Variants in METTL14 observed in about 807,000 individuals in gnomAD.
METTL14 encodes N(6)-adenosine-methyltransferase non-catalytic subunit METTL14.
In METTL14, 32 loss-of-function variants were observed where a neutral mutation model predicts 62.4. That is an observed-to-expected ratio of 0.51 (90% CI 0.39 to 0.69). The LOEUF is 0.69. Ranked by LOEUF, METTL14 falls within the 30% of genes least tolerant of loss-of-function variation. The pLI is 0.00. For missense variants in METTL14, 340 were observed against 551.9 expected, an observed-to-expected ratio of 0.62 and a Z score of 3.85; for synonymous variants, 150 against 180.0, an observed-to-expected ratio of 0.83 and a Z score of 1.34.
rs764385026 is a variant in METTL14, at chr4:118,687,956, G to A, written c.100G>A (p.Val34Met). 2.1e-5 allele frequency: 34 copies of A among 1,613,614 alleles called. No homozygotes were observed. Among genetic ancestry groups the A allele is most frequent in the East Asian group, 1.1e-4 (5 of 44,876 alleles). Residue 34 changes from valine to methionine, a missense_variant, in exon 2 of 11, where the codon GTG (valine) becomes ATG (methionine). Coordinates refer to ENST00000388822, the MANE Select transcript of METTL14 (RefSeq NM_020961.4). The part of the protein sequence containing the change: ...GAESADSIGA[V>M]LNSKDEQREI... ...TGAAAGTGCCGACAGCATTGGTGCC[G>A]TGTTAAATAGCAAAGATGAGCAGAG... is the stretch of plus-strand genomic sequence containing the variant.
chr4:118,706,683 A>G (rs1724764472), intron 10 of METTL14, among the ~76,000 whole-genome samples: 1 of 152,190 alleles, frequency 6.6e-6, no homozygotes, highest in African/African-American at 2.4e-5. Context: ...TGCCTGTACC[A>G]TTTTACATTT....
intron 10 of METTL14, among the ~76,000 whole-genome samples, chr4:118,706,162 G>A (rs1724751211): frequency 6.6e-6 from 1 of 152,182 alleles, no homozygotes; most frequent in South Asian, 2.1e-4. Flanking sequence ...AATTCTGTGA[G>A]TTTGGACAAA....
chr4:118,708,168 A>G (rs190612096), intron 10 of METTL14, among the ~76,000 whole-genome samples: 289 of 152,292 alleles, frequency 1.9e-3, no homozygotes, highest in African/African-American at 6.8e-3. Flanking sequence ...ATACCTTTAG[A>G]ATTTCTGATA....
intron 8 of METTL14, among the ~76,000 whole-genome samples, chr4:118,703,486 T>C (rs6813357): frequency 6.6e-6 from 1 of 152,078 alleles, no homozygotes; most frequent in East Asian, 1.9e-4. Context: ...TAAGATTTTA[T>C]AAGACTCTCA....
intron 10 of METTL14, among the ~76,000 whole-genome samples, chr4:118,706,107 A>G (rs188985891): frequency 6.6e-6 from 1 of 152,106 alleles, no homozygotes; most frequent in African/African-American, 2.4e-5. Flanking sequence ...CATCATAATC[A>G]CTCAAAGTCC....
chr4:118,685,733 T>G (rs767851264), intron 1 of METTL14, 133 bp downstream of exon 1: 4 of 757,920 alleles, frequency 5.3e-6, no homozygotes, highest in Non-Finnish European at 9.1e-6. Context: ...CCTGCGATCT[T>G]GATCCCTGGT....
chr4:118,708,595 A>G (rs994974002), intron 10 of METTL14, among the ~76,000 whole-genome samples: 1 of 151,558 alleles, frequency 6.6e-6, no homozygotes. Context: ...TAGAAACTAA[A>G]AATGTTTTAA....
At chr4:118,700,039 T>C (rs1724541351) in intron 7 of METTL14, among the ~76,000 whole-genome samples, 1 of 152,144 alleles carries the variant, frequency 6.6e-6, no homozygotes, top group Non-Finnish European at 1.5e-5. Context: ...ATAATTTTTT[T>C]TTTTTTGGCA....
In METTL14 at chr4:118,712,536, C is replaced by G. The variant is rs1404873126; in HGVS notation, c.*2234C>G. On this transcript the variant is annotated 3_prime_UTR_variant, in exon 11 of 11. Transcript: ENST00000388822. ...TCGGGAGGCTGTGGCAGGAGAATTG[C>G]CTGAACCCAGGAGGCGGAGGTTGCA... 2 of 152,194 alleles carry G rather than the reference C, an allele frequency of 1.3e-5. No individual in the cohort carries two copies. The highest frequency in any genetic ancestry group is 4.1e-4 in the South Asian group (2 of 4,822). The allele number at this position is 152,194 out of a possible 1,614,324, so 9.4% of individuals were successfully genotyped here.
chr4:118,701,186 T>TTG lies in METTL14; in HGVS notation c.738+545_738+546insGT, dbSNP rs1412839869. On this transcript the variant is annotated intron_variant, in intron 8 of 10. Coordinates refer to ENST00000388822, the MANE Select transcript of METTL14 (RefSeq NM_020961.4). Reference sequence around the variant, plus strand: ...TTTTTTATTGGAGTTTTTTTTTGTTTTTTTTTGTTTTTTTGAGACAAGGTA... The same window carrying TTG: ...TTTTTTATTGGAGTTTTTTTTTGTTTTGTTTTTTGTTTTTTTGAGACAAGGTA... Among the ~76,000 whole-genome samples, 7 of 150,040 alleles carry TTG rather than the reference T, an allele frequency of 4.7e-5. No individual in the cohort carries two copies. The South Asian group carries it at 8.4e-4, about 18-fold the overall frequency.
chr4:118,696,702 G>GA (rs758395228), intron 6 of METTL14, among the ~76,000 whole-genome samples: 34 of 152,024 alleles, frequency 2.2e-4, no homozygotes, highest in Non-Finnish European at 4.0e-4. Context: ...TTTTACTAAT[G>GA]AAAAAACTAA....
intron 6 of METTL14, 33 bp downstream of exon 6, chr4:118,694,559 C>T: frequency 6.7e-7 from 1 of 1,490,258 alleles, no homozygotes; most frequent in Non-Finnish European, 9.4e-7. Flanking sequence ...TGTTTATTCC[C>T]AACTCAGGCT....
Position 118,687,976 on chromosome 4 carries a change from G to A in METTL14, c.120G>A (p.Glu40=). The change falls in exon 2 of 11, where the codon GAG becomes GAA. Residue 40 remains glutamate, a synonymous_variant. Coordinates refer to ENST00000388822, the MANE Select transcript of METTL14 (RefSeq NM_020961.4). ...SIGAVLNSKD[E]QREIAETRET... is the part of the protein sequence containing the mutation. ...GTGCCGTGTTAAATAGCAAAGATGA[G>A]CAGAGAGAAATTGCTGAAACAAGAG... The A allele has an allele frequency of 1.2e-6, 2 of 1,613,618 alleles. No individual in the cohort carries two copies. The highest frequency in any genetic ancestry group is 1.7e-6 in the Non-Finnish European group (2 of 1,179,842).
chr4:118,689,385 C>T lies in METTL14; in HGVS notation c.171C>T (p.Thr57=), dbSNP rs141704350. The change falls in exon 3 of 11, where the codon ACC becomes ACT. Residue 57 remains threonine, a synonymous_variant. Coordinates refer to ENST00000388822, the MANE Select transcript of METTL14 (RefSeq NM_020961.4). The part of the protein sequence containing the change: ...TRETCRASYD[T]SAPNAKRKYL... ...TATTTTTCAGGGCTTCCTATGATAC[C>T]TCTGCTCCAAATGCAAAACGTAAGT... 4 of 1,598,730 alleles carry T rather than the reference C, an allele frequency of 2.5e-6. No homozygotes were observed. The African/African-American group carries it at 5.4e-5, about 22-fold the overall frequency.
chr4:118,701,342 C>A (rs1315942751), intron 8 of METTL14, among the ~76,000 whole-genome samples: 1 of 151,620 alleles, frequency 6.6e-6, no homozygotes, highest in African/African-American at 2.4e-5. Context: ...CACACCACCA[C>A]CCCTGGCTAA....
In METTL14 at chr4:118,702,863, ATCTT is replaced by A. The variant is rs201813510; in HGVS notation, c.739-1070_739-1067del. Among the ~76,000 whole-genome samples the A allele has an allele frequency of 3.6e-3, 528 of 147,924 alleles. 5 individuals are homozygous for A. Among genetic ancestry groups the A allele is most frequent in the African/African-American group, 0.012 (507 of 40,566 alleles). ...CTGAAAAGTGTATGTTTTATACTCT[ATCTT>A]TTTTTTTTTTTGGTTCAGGGGGAAC... is the stretch of plus-strand genomic sequence containing the variant. On this transcript the variant is annotated intron_variant, in intron 8 of 10. Coordinates refer to ENST00000388822, the MANE Select transcript of METTL14 (RefSeq NM_020961.4).
chr4:118,687,098 C>G (rs752735471), intron 1 of METTL14, among the ~76,000 whole-genome samples: 1 of 152,240 alleles, frequency 6.6e-6, no homozygotes, highest in South Asian at 2.1e-4. Flanking sequence ...ATGGTACCCA[C>G]AACCCTGTGC....
At chr4:118,702,168 G>A (rs117550976) in intron 8 of METTL14, among the ~76,000 whole-genome samples, 2,098 of 144,496 alleles carry the variant, frequency 0.015, 99 homozygotes, top group East Asian at 0.092. Context: ...CGCCCACGCT[G>A]GAGTGCAGTG....
chr4:118,687,821 G>GT, intron 1 of METTL14, 102 bp from the exon 2 acceptor site: 1 of 782,478 alleles, frequency 1.3e-6, no homozygotes, highest in South Asian at 1.7e-5. Context: ...GAATTAAGGT[G>GT]TTTTTGTTTT....
Sources: gnomAD v4.1 joint callset for allele counts (sites outside exome capture counted in the v4.1 genomes callset) on GRCh38, gnomAD v4.1.1 for gene constraint, MANE v1.5 for transcripts, NCBI Gene and HGNC (gene_info 2026-07-23, HGNC 2026-07-21) for gene names.